PAPOLA: variants seen among roughly 807,000 people sequenced by gnomAD.
PAPOLA encodes the protein polynucleotide adenylyltransferase alpha.
Under a neutral mutation model 100.6 loss-of-function variants are expected in PAPOLA, and 15 were observed. The ratio of observed to expected loss-of-function variants is 0.15; its 90% CI spans 0.10 to 0.23. PAPOLA has a LOEUF of 0.23. Among genes scored for constraint, PAPOLA ranks in the 10% least tolerant of loss-of-function variants. The probability of loss-of-function intolerance (pLI) is 1.00; values close to 1 mark genes in which losing one functional copy is unlikely to be tolerated. For missense variants in PAPOLA, 533 were observed against 884.2 expected (o/e 0.60, Z 5.04); for synonymous variants, 293 against 300.0 (o/e 0.98, Z 0.24).
chr14:96,506,638 T>G (rs1445873401), intron 1 of PAPOLA, among the ~76,000 whole-genome samples: 1 of 152,234 alleles, frequency 6.6e-6, no homozygotes, highest in South Asian at 2.1e-4. Context: ...TAAAAGATGT[T>G]TCTGCTGACA....
intron 6 of PAPOLA, among the ~76,000 whole-genome samples, chr14:96,530,530 G>A (rs1169652600): frequency 1.3e-5 from 2 of 151,894 alleles, no homozygotes; most frequent in African/African-American, 4.8e-5. Flanking sequence ...TGGGACTACA[G>A]GCGCTTGTCA....
intron 12 of PAPOLA, chr14:96,537,592 T>TG (rs1899645683): frequency 6.5e-6 from 1 of 153,900 alleles, no homozygotes; most frequent in South Asian, 2.0e-4. Flanking sequence ...TGAATCTAAG[T>TG]GGGTGTTAAT....
intron 1 of PAPOLA, among the ~76,000 whole-genome samples, chr14:96,511,282 G>T (rs996342044): frequency 6.6e-6 from 1 of 152,198 alleles, no homozygotes; most frequent in Non-Finnish European, 1.5e-5. Context: ...AGACACAGGC[G>T]GGCTGTGGTG....
intron 15 of PAPOLA, among the ~76,000 whole-genome samples, chr14:96,544,881 G>A (rs2140308041): frequency 6.6e-6 from 1 of 152,134 alleles, no homozygotes; most frequent in Middle Eastern, 3.4e-3. Flanking sequence ...TGGGAAATAG[G>A]CTGATTATAT....
chr14:96,532,684 T>C (rs1899140943), intron 9 of PAPOLA, 35 bp downstream of exon 9: 1 of 1,539,840 alleles, frequency 6.5e-7, no homozygotes, highest in Non-Finnish European at 8.7e-7. Flanking sequence ...TAAAATTGAT[T>C]GTAGACACTG....
chr14:96,559,620 T>C (rs1208354539), intron 19 of PAPOLA, among the ~76,000 whole-genome samples: 6 of 147,358 alleles, frequency 4.1e-5, no homozygotes, highest in African/African-American at 1.5e-4. Flanking sequence ...TATATATGTA[T>C]ATATATATAT....
chr14:96,560,317 T>A, intron 19 of PAPOLA: 1 of 189,908 alleles, frequency 5.3e-6, no homozygotes, highest in Non-Finnish European at 1.1e-5. Flanking sequence ...TATGCCAAGT[T>A]CCTAAAGTTG....
chr14:96,506,149 C>A (rs952413022), intron 1 of PAPOLA, among the ~76,000 whole-genome samples: 1 of 152,164 alleles, frequency 6.6e-6, no homozygotes, highest in Non-Finnish European at 1.5e-5. Flanking sequence ...TGATCCCCCC[C>A]CACCTCGGCC....
chr14:96,537,081 C>T (rs373963119), intron 12 of PAPOLA, 21 bp downstream of exon 12: 59 of 1,309,872 alleles, frequency 4.5e-5, no homozygotes, highest in South Asian at 1.7e-4. Context: ...TAAGGCATGT[C>T]GGACATGTTG....
chr14:96,512,587 C>A (rs1297632065), intron 1 of PAPOLA, among the ~76,000 whole-genome samples: 1 of 152,092 alleles, frequency 6.6e-6, no homozygotes, highest in Non-Finnish European at 1.5e-5. Flanking sequence ...TGACTTAATA[C>A]GTGGGTTATG....
chr14:96,518,322 G>A (rs1360332580), intron 1 of PAPOLA, among the ~76,000 whole-genome samples: 6 of 152,024 alleles, frequency 3.9e-5, no homozygotes, highest in Middle Eastern at 6.9e-3. Context: ...AGCCGTTGGA[G>A]TATAGACCAG....
At chr14:96,563,672 G>T (rs1902051914) in intron 21 of PAPOLA, among the ~76,000 whole-genome samples, 1 of 152,134 alleles carries the variant, frequency 6.6e-6, no homozygotes, top group Non-Finnish European at 1.5e-5. Flanking sequence ...ATTTTAACGT[G>T]ATCATTTAAA....
At chr14:96,547,373 A>G (rs1900475804) in intron 15 of PAPOLA, among the ~76,000 whole-genome samples, 1 of 152,162 alleles carries the variant, frequency 6.6e-6, no homozygotes, top group Non-Finnish European at 1.5e-5. Flanking sequence ...AGATTCTTGT[A>G]AAGATACCTT....
chr14:96,535,366 TA>T (rs1203276235), intron 10 of PAPOLA: 1 of 979,026 alleles, frequency 1.0e-6, no homozygotes, highest in Non-Finnish European at 1.2e-6. Flanking sequence ...TATACAGATT[TA>T]AAATTAACAG....
intron 11 of PAPOLA, among the ~76,000 whole-genome samples, chr14:96,536,526 C>CT (rs1899545822): frequency 6.6e-6 from 1 of 152,044 alleles, no homozygotes; most frequent in African/African-American, 2.4e-5. Flanking sequence ...AGTTGTCTGA[C>CT]TACTAGCTTT....
Position 96,566,288 on chromosome 14 carries a change from T to C in PAPOLA, c.*1238T>C, listed in dbSNP as rs1016106430. On this transcript the variant is annotated 3_prime_UTR_variant, in exon 22 of 22. Coordinates refer to ENST00000216277, the MANE Select transcript of PAPOLA (RefSeq NM_032632.5). ...CAAGCACTTGACATCTAGTCAGCTC[T>C]CTACTCCTTTATTTTGTTTTATCAA... 5 of 182,792 alleles carry C rather than the reference T, an allele frequency of 2.7e-5. No homozygotes were observed. Among genetic ancestry groups the C allele is most frequent in the Middle Eastern group, 2.0e-3 (1 of 504 alleles). The allele number at this position is 182,792 out of a possible 1,614,324, so 11.3% of individuals were successfully genotyped here.
At chr14:96,520,932 C>A in intron 2 of PAPOLA, 74 bp from the exon 3 acceptor site, 1 of 772,280 alleles carries the variant, frequency 1.3e-6, no homozygotes, top group Non-Finnish European at 2.3e-6. Flanking sequence ...TTAGGAAGAA[C>A]GCCTATTTAA....
chr14:96,556,375 C>T lies in PAPOLA; in HGVS notation c.1966C>T (p.His656Tyr), dbSNP rs567161516. ...IVGVKRTSSP[H>Y]KEESPKKTKT... is the part of the protein sequence containing the mutation. Reference sequence around the variant, plus strand: ...AGGAGTCAAGAGGACATCCTCACCTCATAAAGAAGAGAGTCCCAAGAAAAC... The same window carrying T: ...AGGAGTCAAGAGGACATCCTCACCTTATAAAGAAGAGAGTCCCAAGAAAAC... The change falls in exon 19 of 22, where the codon CAT becomes TAT. Residue 656 changes from histidine (H) to tyrosine (Y), a missense_variant. This residue lies in a region of PAPOLA where 242 missense variants were observed against 281.0 expected (regional missense o/e 0.86). Coordinates refer to ENST00000216277, the MANE Select transcript of PAPOLA (RefSeq NM_032632.5). 6.8e-6 allele frequency: 11 copies of T among 1,613,570 alleles called. No homozygotes were observed. In the South Asian group the frequency reaches 9.9e-5, roughly 14 times the overall value.
chr14:96,559,907 T>C (rs1046569346), intron 19 of PAPOLA, among the ~76,000 whole-genome samples: 16 of 152,048 alleles, frequency 1.1e-4, no homozygotes, highest in African/African-American at 3.6e-4. Flanking sequence ...AATCCATAGT[T>C]TTACATATCA....
Sources: allele counts gnomAD v4.1 joint callset (sites outside exome capture counted in the v4.1 genomes callset), GRCh38; gene constraint gnomAD v4.1.1; regional missense constraint gnomAD v4.1.1; transcripts MANE v1.5; gene names NCBI Gene and HGNC (gene_info 2026-07-23, HGNC 2026-07-21).